Variants in PCDHGB3 observed in about 807,000 individuals in gnomAD.
PCDHGB3 encodes the protein protocadherin gamma subfamily B, 3, also known as protocadherin gamma-B3.
A neutral mutation model predicts 59.2 loss-of-function variants in PCDHGB3; 40 were observed. The observed-to-expected ratio is 0.68, with a 90% CI of 0.52 to 0.88. The LOEUF (loss-of-function observed/expected upper bound fraction) is 0.88. PCDHGB3 is among the 40% of genes least tolerant of loss of function. The pLI is 0.00. For missense variants in PCDHGB3, 1,309 were observed against 1,187.9 expected, an observed-to-expected ratio of 1.10 and a Z score of -1.50; for synonymous variants, 581 against 503.6, an observed-to-expected ratio of 1.15 and a Z score of -2.06.
intron 1 of PCDHGB3, chr5:141,387,968 G>A (rs1169859236): frequency 7.4e-6 from 11 of 1,489,402 alleles, no homozygotes; most frequent in Non-Finnish European, 9.9e-6. Flanking sequence ...TCTGCCCGGC[G>A]CTCTGTGAGC....
At chr5:141,438,583 CATACATACATATATATATATATATATAT>C (rs1227221577) in intron 1 of PCDHGB3, among the ~76,000 whole-genome samples, 1 of 57,610 alleles carries the variant, frequency 1.7e-5, no homozygotes, top group African/African-American at 9.0e-5. Flanking sequence ...TACATACATA[CATACATACATATATATATATATATATAT>C]ATATATATAT....
intron 1 of PCDHGB3, chr5:141,430,977 A>G (rs761722055): frequency 1.2e-5 from 20 of 1,613,408 alleles, no homozygotes; most frequent in Middle Eastern, 1.7e-4. Flanking sequence ...GGTAGGACGC[A>G]GCTTTTCGCC....
chr5:141,495,918 T>C (rs2099764622), intron 2 of PCDHGB3, among the ~76,000 whole-genome samples: 1 of 152,184 alleles, frequency 6.6e-6, no homozygotes, highest in African/African-American at 2.4e-5. Flanking sequence ...ATATCTTTCT[T>C]TGTCTCTGTC....
Position 141,410,515 on chromosome 5 carries a change from G to A in PCDHGB3, c.2415+37706G>A, listed in dbSNP as rs373451539. The A allele has an allele frequency of 1.9e-6, 3 of 1,613,828 alleles. No homozygotes were observed. The African/African-American group carries it at 4.0e-5, about 22-fold the overall frequency. On this transcript the variant is annotated intron_variant, in intron 1 of 3. Coordinates refer to ENST00000576222, the MANE Select transcript of PCDHGB3 (RefSeq NM_018924.5). ...AGTTTAATTTCCTAAAATGCAGTGT[G>A]CCCCTACATTCCAATGAAGACATGG...
rs548823035 is a variant in PCDHGB3 at position 141,499,447 on chromosome 5, C to T, written c.2474+4582C>T. ...AGAAAAAAAATTAAAAGGAAAACCA[C>T]CCATCATTTTACAATCTAGGGAGAA... On this transcript the variant is annotated intron_variant, in intron 2 of 3. Transcript: ENST00000576222. Among the ~76,000 whole-genome samples the T allele has an allele frequency of 3.8e-4, 58 of 152,250 alleles. 1 individual carries two copies. In the East Asian group the frequency reaches 9.1e-3, roughly 24 times the overall value.
chr5:141,433,802 A>G (rs2097651656), intron 1 of PCDHGB3, among the ~76,000 whole-genome samples: 1 of 149,280 alleles, frequency 6.7e-6, no homozygotes, highest in Non-Finnish European at 1.5e-5. Flanking sequence ...GTGCCATTGC[A>G]CTCCAGCCTG....
intron 1 of PCDHGB3, among the ~76,000 whole-genome samples, chr5:141,434,767 C>T (rs2097715264): frequency 6.6e-6 from 1 of 151,182 alleles, no homozygotes. Flanking sequence ...CCACTTCACA[C>T]TTCTAAAAAA....
chr5:141,481,475 C>T (rs1423011632), intron 1 of PCDHGB3, among the ~76,000 whole-genome samples: 1 of 152,200 alleles, frequency 6.6e-6, no homozygotes, highest in Non-Finnish European at 1.5e-5. Context: ...TTGGATTATA[C>T]ACTTTAAATA....
chr5:141,415,606 G>A lies in PCDHGB3; in HGVS notation c.2415+42797G>A. On this transcript the variant is annotated intron_variant, in intron 1 of 3. Transcript: ENST00000576222. ...GTTTCCTATAGAGGATACCCCATTG[G>A]TTCCAGTGAGTTTTATTTTCATTTT... The A allele has an allele frequency of 1.2e-6, 2 of 1,612,910 alleles. 1 individual carries two copies. Among genetic ancestry groups the A allele is most frequent in the East Asian group, 4.5e-5 (2 of 44,866 alleles).
At chr5:141,510,580 G>A (rs947369646) in intron 3 of PCDHGB3, among the ~76,000 whole-genome samples, 7 of 152,248 alleles carry the variant, frequency 4.6e-5, no homozygotes, top group South Asian at 2.1e-4. Flanking sequence ...ACTATTTTAC[G>A]TACCTGACAT....
At chr5:141,427,615 A>G (rs1428096450) in intron 1 of PCDHGB3, 2 of 693,732 alleles carry the variant, frequency 2.9e-6, no homozygotes, top group Non-Finnish European at 5.3e-6. Context: ...GGTGAAGTCA[A>G]CGACAATGCT....
In PCDHGB3 at chr5:141,487,801, A is replaced by G. The variant is rs895741843; in HGVS notation, c.2416-7006A>G. The G allele has an allele frequency of 1.0e-5, 15 of 1,479,820 alleles. No individual in the cohort carries two copies. The highest frequency in any genetic ancestry group is 2.7e-6 in the Non-Finnish European group (3 of 1,095,672). The allele number at this position is 1,479,820 out of a possible 1,614,324, so 91.7% of individuals were successfully genotyped here. On this transcript the variant is annotated intron_variant, in intron 1 of 3. Coordinates refer to ENST00000576222, the MANE Select transcript of PCDHGB3 (RefSeq NM_018924.5). The surrounding 1 kb of genome is among the most constrained non-coding windows in gnomAD (Gnocchi z 5.0). ...GTTTCGTGAATTAACCAGAGTTGTC[A>G]CAGTTTAGCATTGGGGGCGGGTCAT... is the stretch of plus-strand genomic sequence containing the variant.
At chr5:141,410,828 C>A in intron 1 of PCDHGB3, 4 of 377,748 alleles carry the variant, frequency 1.1e-5, no homozygotes, top group Non-Finnish European at 1.8e-5. Context: ...TGTCACCAGA[C>A]TGAAGATATT....
At chr5:141,488,259 C>T (rs1594750656) in intron 1 of PCDHGB3, among the ~76,000 whole-genome samples, 1 of 152,144 alleles carries the variant, frequency 6.6e-6, no homozygotes, top group African/African-American at 2.4e-5. Context: ...AAGGTTGGGG[C>T]GGGTTGGTCA....
chr5:141,490,906 G>A lies in PCDHGB3; in HGVS notation c.2416-3901G>A, dbSNP rs2099705910. 1 of 1,613,798 alleles carries A rather than the reference G, an allele frequency of 6.2e-7. No individual in the cohort carries two copies. Among genetic ancestry groups the A allele is most frequent in the Non-Finnish European group, 8.5e-7 (1 of 1,179,808 alleles). ...CACATCTCTGCATGTGTTTGTCCTA[G>A]ACGAGAATGATAATGCCCCAGCTGT... On this transcript the variant is annotated intron_variant, in intron 1 of 3. Coordinates refer to ENST00000576222, the MANE Select transcript of PCDHGB3 (RefSeq NM_018924.5). The surrounding 1 kb of genome is among the most constrained non-coding windows in gnomAD (Gnocchi z 5.4).
At chr5:141,423,384 C>T in intron 1 of PCDHGB3, 1 of 1,614,172 alleles carries the variant, frequency 6.2e-7, no homozygotes. Flanking sequence ...GGCTGTGGCG[C>T]TGGCATAAGT....
chr5:141,370,689 A>G lies in PCDHGB3; in HGVS notation c.295A>G (p.Lys99Glu), dbSNP rs1275146563. Residue 99 changes from lysine to glutamate, a missense_variant, in exon 1 of 4, where the codon AAG becomes GAG. Lys to Glu is a moderately conservative substitution (Grantham distance 56). Transcript: ENST00000576222. ...RIDREEICGKKSTCVLEFEMV... is the reference protein window; with the variant it reads ...RIDREEICGKESTCVLEFEMV... ...AGACCGAGAGGAGATTTGTGGCAAG[A>G]AGTCGACGTGTGTTCTGGAATTTGA... The G allele has an allele frequency of 6.2e-7, 1 of 1,613,814 alleles. No homozygotes were observed. Among genetic ancestry groups the G allele is most frequent in the East Asian group, 2.2e-5 (1 of 44,884 alleles).
chr5:141,397,039 A>G (rs2093467837), intron 1 of PCDHGB3, among the ~76,000 whole-genome samples: 1 of 152,236 alleles, frequency 6.6e-6, no homozygotes, highest in Non-Finnish European at 1.5e-5. Context: ...CCACAAATTT[A>G]TGTAAATGAA....
chr5:141,494,677 TGCCCCCTCTTA>T, intron 1 of PCDHGB3, 119 bp from the exon 2 acceptor site: 5 of 1,552,906 alleles, frequency 3.2e-6, no homozygotes, highest in Non-Finnish European at 4.4e-6. Flanking sequence ...AGTCCACCCC[TGCCCCCTCTTA>T]GTCCGTTTTC....
Sources: gnomAD v4.1 joint callset for allele counts (sites outside exome capture counted in the v4.1 genomes callset) on GRCh38, gnomAD v4.1.1 for gene constraint, Gnocchi (gnomAD v3.1) non-coding constraint, MANE v1.5 for transcripts, NCBI Gene and HGNC (gene_info 2026-07-23, HGNC 2026-07-21) for gene names.